Variants in RAD51AP1 observed in about 807,000 individuals in gnomAD.
RAD51AP1 encodes RAD51-associated protein 1.
In RAD51AP1, 14 loss-of-function variants were observed where a neutral mutation model predicts 34.3. The ratio of observed to expected loss-of-function variants is 0.41; its 90% CI spans 0.27 to 0.64. The LOEUF (loss-of-function observed/expected upper bound fraction) is 0.64, where lower values mean the gene tolerates loss of function less well. Ranked by LOEUF, RAD51AP1 falls within the 30% of genes least tolerant of loss-of-function variation. The pLI is 0.33. For synonymous variants in RAD51AP1, 114 were observed against 129.8 expected, an observed-to-expected ratio of 0.88 and a Z score of 0.83; for missense variants, 348 against 386.9, an observed-to-expected ratio of 0.90 and a Z score of 0.84.
At chr12:4,556,597 A>G in intron 8 of RAD51AP1, 95 bp downstream of exon 8, 8 of 1,375,082 alleles carry the variant, frequency 5.8e-6, no homozygotes, top group Admixed American at 2.3e-5. Context: ...GCATTTCCCC[A>G]TATTATTACA....
chr12:4,552,437 A>G, intron 6 of RAD51AP1, among the ~76,000 whole-genome samples: 1 of 152,228 alleles, frequency 6.6e-6, no homozygotes, highest in African/African-American at 2.4e-5. Context: ...ATTATCTGCT[A>G]AGATTGTTGT....
intron 1 of RAD51AP1, among the ~76,000 whole-genome samples, chr12:4,541,646 A>G (rs1460683328): frequency 6.6e-6 from 1 of 152,176 alleles, no homozygotes; most frequent in East Asian, 1.9e-4. Flanking sequence ...GCTAATGATA[A>G]ATCCCCGCGG....
At chr12:4,543,702 A>G (rs1944485453) in intron 2 of RAD51AP1, 61 bp from the exon 3 acceptor site, 1 of 1,262,142 alleles carries the variant, frequency 7.9e-7, no homozygotes, top group African/African-American at 1.5e-5. Context: ...ACACATGGTA[A>G]TGATTTTCAT....
At chr12:4,542,000 T>A (rs1271859638) in intron 2 of RAD51AP1, 67 bp downstream of exon 2, 3 of 1,078,578 alleles carry the variant, frequency 2.8e-6, no homozygotes, top group Non-Finnish European at 2.6e-6. Flanking sequence ...TTATATGACA[T>A]ATATAGCTCA....
intron 1 of RAD51AP1, among the ~76,000 whole-genome samples, chr12:4,540,843 A>T (rs966748464): frequency 6.6e-6 from 1 of 152,180 alleles, no homozygotes; most frequent in Non-Finnish European, 1.5e-5. Context: ...CGTGATAGTT[A>T]TCTCAAGGAA....
Position 4,553,003 on chromosome 12 carries a change from T to A in RAD51AP1, c.577T>A (p.Ser193Thr), listed in dbSNP as rs769695000. The A allele has an allele frequency of 6.3e-7, 1 of 1,588,974 alleles. No individual in the cohort carries two copies. Among genetic ancestry groups the A allele is most frequent in the Non-Finnish European group, 8.5e-7 (1 of 1,172,976 alleles). Residue 193 changes from serine (S) to threonine (T), a missense_variant, in exon 7 of 9, where the codon TCT (serine) becomes ACT (threonine). Coordinates refer to ENST00000352618, the MANE Select transcript of RAD51AP1 (RefSeq NM_006479.5). ...FAPGEDSEDD[S>T]DFCESEDNDE... Reference sequence around the variant, plus strand: ...TTTAGGTGAAGATTCTGAGGATGATTCTGATTTTTGTGAGAGTGAGGATAA... The same window carrying A: ...TTTAGGTGAAGATTCTGAGGATGATACTGATTTTTGTGAGAGTGAGGATAA...
intron 1 of RAD51AP1, among the ~76,000 whole-genome samples, chr12:4,539,973 G>A (rs1944448311): frequency 6.6e-6 from 1 of 152,160 alleles, no homozygotes; most frequent in Non-Finnish European, 1.5e-5. Flanking sequence ...ACCAGAACGG[G>A]AGCAGGAAAA....
rs542282867 is a variant in RAD51AP1 at position 4,558,734 on chromosome 12, C to T, written c.872-123C>T. On this transcript the variant is annotated intron_variant, in intron 8 of 8. Transcript: ENST00000352618. ...TCTGTTCTTTTGATCTAGTTTATTG[C>T]TTGATAGACACTGGAAAGCAGAATA... 2.2e-5 allele frequency: 25 copies of T among 1,152,878 alleles called. No homozygotes were observed. In the South Asian group the frequency reaches 4.0e-4, roughly 18 times the overall value. The allele number at this position is 1,152,878 out of a possible 1,614,324, so 71.4% of individuals were successfully genotyped here.
intron 7 of RAD51AP1, 141 bp downstream of exon 7, chr12:4,553,288 G>A (rs1944559772): frequency 1.5e-6 from 1 of 675,074 alleles, no homozygotes; most frequent in Non-Finnish European, 2.3e-6. Flanking sequence ...GGAAGGTGGG[G>A]TGGGGAAGGG....
At chr12:4,557,001 C>T (rs904739407) in intron 8 of RAD51AP1, among the ~76,000 whole-genome samples, 3 of 152,184 alleles carry the variant, frequency 2.0e-5, no homozygotes, top group Non-Finnish European at 4.4e-5. Context: ...TCTTTTGCTC[C>T]ACAGCCAAGT....
chr12:4,559,106 C>T lies in RAD51AP1; in HGVS notation c.*113C>T, dbSNP rs1944603467. On this transcript the variant is annotated 3_prime_UTR_variant, in exon 9 of 9. Transcript: ENST00000352618. ...ATTGTAATATAAAGGAATCCATTAC[C>T]ATGTCCTATAAATGACCTCTAGCCA... 7.5e-7 allele frequency: 1 copy of T among 1,326,324 alleles called. No homozygotes were observed. Among genetic ancestry groups the T allele is most frequent in the Non-Finnish European group, 1.0e-6 (1 of 968,936 alleles). The allele number at this position is 1,326,324 out of a possible 1,614,324, so 82.2% of individuals were successfully genotyped here.
chr12:4,556,681 A>G, intron 8 of RAD51AP1, 179 bp downstream of exon 8: 2 of 666,606 alleles, frequency 3.0e-6, no homozygotes, highest in Non-Finnish European at 4.9e-6. Flanking sequence ...TTGGACATCC[A>G]GGTTTATTAT....
At chr12:4,541,578 C>T (rs1225933898) in intron 1 of RAD51AP1, among the ~76,000 whole-genome samples, 6 of 151,950 alleles carry the variant, frequency 3.9e-5, no homozygotes, top group Non-Finnish European at 8.8e-5. Context: ...TTTCCTTTAT[C>T]ATATAATTGA....
intron 5 of RAD51AP1, 71 bp from the exon 6 acceptor site, chr12:4,548,616 T>C: frequency 6.7e-7 from 1 of 1,503,032 alleles, no homozygotes; most frequent in Non-Finnish European, 9.1e-7. Context: ...TGTAATAGAG[T>C]CTGGTCTGCA....
At chr12:4,548,647 C>T in intron 5 of RAD51AP1, 40 bp from the exon 6 acceptor site, 1 of 1,596,934 alleles carries the variant, frequency 6.3e-7, no homozygotes, top group Non-Finnish European at 8.6e-7. Flanking sequence ...TATCAGTTGT[C>T]ACAGAAAGTT....
rs1944607152 is a variant in RAD51AP1 at position 4,559,610 on chromosome 12, T to G, written c.*617T>G. 1 of 152,200 alleles carries G rather than the reference T, an allele frequency of 6.6e-6. No individual in the cohort carries two copies. The highest frequency in any genetic ancestry group is 2.4e-5 in the African/African-American group (1 of 41,434). The allele number at this position is 152,200 out of a possible 1,614,324, so 9.4% of individuals were successfully genotyped here. ...TCATTGTCAAAACCTTTAATAAAAG[T>G]GGAAATATTTTGAAATGCCCTTTTT... On this transcript the variant is annotated 3_prime_UTR_variant, in exon 9 of 9. Coordinates refer to ENST00000352618, the MANE Select transcript of RAD51AP1 (RefSeq NM_006479.5).
chr12:4,556,312 T>C (rs1944581968), intron 7 of RAD51AP1, 41 bp from the exon 8 acceptor site: 2 of 1,471,840 alleles, frequency 1.4e-6, no homozygotes, highest in East Asian at 4.5e-5. Context: ...TACTTTTTCT[T>C]CCTGCATGAC....
At chr12:4,554,183 C>G (rs537999354) in intron 7 of RAD51AP1, among the ~76,000 whole-genome samples, 2 of 152,144 alleles carry the variant, frequency 1.3e-5, no homozygotes, top group Non-Finnish European at 2.9e-5. Context: ...AGACAAACCA[C>G]GTTCTTGTCT....
In RAD51AP1 at chr12:4,538,946, C is replaced by A. The variant is rs1160564239; in HGVS notation, c.7C>A (p.Arg3=). The change falls in exon 1 of 9, where the codon CGG becomes AGG. Residue 3 remains arginine, a synonymous_variant. Coordinates refer to ENST00000352618, the MANE Select transcript of RAD51AP1 (RefSeq NM_006479.5). MV[R]PVRHKKPVNY... Reference sequence around the variant, plus strand: ...CCAAGCCTTGAAAGGGACCATGGTGCGGCCTGTGAGGTGGGTAGTTCCTGA... The same window carrying A: ...CCAAGCCTTGAAAGGGACCATGGTGAGGCCTGTGAGGTGGGTAGTTCCTGA... 1.9e-6 allele frequency: 3 copies of A among 1,613,796 alleles called. No homozygotes were observed. In the East Asian group the frequency reaches 6.7e-5, roughly 36 times the overall value.
Sources: allele counts gnomAD v4.1 joint callset (sites outside exome capture counted in the v4.1 genomes callset), GRCh38; gene constraint gnomAD v4.1.1; transcripts MANE v1.5; gene names NCBI Gene and HGNC (gene_info 2026-07-23, HGNC 2026-07-21).